LUZP2: variants seen among roughly 807,000 people sequenced by gnomAD.
LUZP2 encodes the protein leucine zipper protein 2.
In LUZP2, 52 loss-of-function variants were observed where a neutral mutation model predicts 51.6. The observed-to-expected ratio is 1.01, with a 90% CI of 0.81 to 1.27. The LOEUF is 1.27. Among genes scored for constraint, LUZP2 ranks in the 50% most tolerant of loss-of-function variants. LUZP2 has a pLI of 0.00. For synonymous variants in LUZP2, 154 were observed against 137.3 expected (o/e 1.12, Z -0.85); for missense variants, 436 against 395.4 (o/e 1.10, Z -0.87).
chr11:24,739,195 T>G (rs1273202404), intron 4 of LUZP2, among the ~76,000 whole-genome samples: 2 of 151,996 alleles, frequency 1.3e-5, no homozygotes, highest in African/African-American at 2.4e-5. Context: ...TGTTGTGGTT[T>G]CTGAGGCAAT....
At chr11:24,596,617 T>C (rs1853451940) in intron 1 of LUZP2, among the ~76,000 whole-genome samples, 1 of 152,156 alleles carries the variant, frequency 6.6e-6, no homozygotes, top group African/African-American at 2.4e-5. Context: ...GTGCCTAAAA[T>C]GACATCTAGA....
chr11:24,660,193 G>A (rs1855971566), intron 1 of LUZP2, among the ~76,000 whole-genome samples: 1 of 152,130 alleles, frequency 6.6e-6, no homozygotes, highest in Non-Finnish European at 1.5e-5. Flanking sequence ...CTGGTTTGAA[G>A]GCAATCTTGT....
chr11:24,950,275 G>C (rs994861115), intron 7 of LUZP2, among the ~76,000 whole-genome samples: 1 of 151,426 alleles, frequency 6.6e-6, no homozygotes, highest in African/African-American at 2.4e-5. Flanking sequence ...AGAGGAAAAC[G>C]AAATGTTAAC....
chr11:24,516,896 C>A (rs1422991400), intron 1 of LUZP2, among the ~76,000 whole-genome samples: 1 of 152,152 alleles, frequency 6.6e-6, no homozygotes, highest in Non-Finnish European at 1.5e-5. Flanking sequence ...TTAGTTTCAA[C>A]AGCTTAGATT....
chr11:24,733,848 T>C (rs949876027), intron 3 of LUZP2, among the ~76,000 whole-genome samples: 2 of 151,474 alleles, frequency 1.3e-5, no homozygotes, highest in African/African-American at 4.8e-5. Flanking sequence ...TAAACAAAAA[T>C]AGAAAAACAA....
intron 9 of LUZP2, among the ~76,000 whole-genome samples, chr11:25,010,422 C>T (rs537194111): frequency 3.3e-5 from 5 of 152,102 alleles, no homozygotes; most frequent in East Asian, 1.9e-4. Flanking sequence ...AGGGGATTCA[C>T]CTGTCATCCT....
At chr11:24,515,360 C>G (rs1275116751) in intron 1 of LUZP2, among the ~76,000 whole-genome samples, 1 of 119,310 alleles carries the variant, frequency 8.4e-6, no homozygotes, top group African/African-American at 3.7e-5. Flanking sequence ...CTTTTTACAA[C>G]CAGCAAGAGG....
intron 1 of LUZP2, among the ~76,000 whole-genome samples, chr11:24,724,583 AAT>A: frequency 1.3e-5 from 2 of 152,282 alleles, no homozygotes; most frequent in Middle Eastern, 6.8e-3. Context: ...AAAATCAATC[AAT>A]CAATTAATTA....
chr11:24,498,006 A>G (rs752104844), intron 1 of LUZP2, among the ~76,000 whole-genome samples: 5 of 152,322 alleles, frequency 3.3e-5, no homozygotes, highest in Admixed American at 2.0e-4. Flanking sequence ...TTTAAGCCCC[A>G]TTACAGAGGA....
chr11:24,931,246 A>C (rs2133834254), intron 7 of LUZP2, among the ~76,000 whole-genome samples: 1 of 150,340 alleles, frequency 6.7e-6, no homozygotes, highest in South Asian at 2.1e-4. Context: ...AAATAAAATA[A>C]AATAAAATAA....
intron 1 of LUZP2, among the ~76,000 whole-genome samples, chr11:24,680,003 G>A (rs962208721): frequency 1.3e-5 from 2 of 152,282 alleles, no homozygotes; most frequent in East Asian, 1.9e-4. Flanking sequence ...CAGGAGAAAA[G>A]GGAAATTAAC....
chr11:25,030,939 T>TATATATA, intron 9 of LUZP2, among the ~76,000 whole-genome samples: 1 of 20,898 alleles, frequency 4.8e-5, no homozygotes, highest in Admixed American at 8.7e-4. Context: ...TAATATATAT[T>TATATATA]ATATATATTA....
chr11:25,018,048 G>GTTTTGTTTTT (rs1554955735), intron 9 of LUZP2, among the ~76,000 whole-genome samples: 3 of 16,350 alleles, frequency 1.8e-4, no homozygotes, highest in African/African-American at 3.4e-4. Context: ...TTTTTTTTTT[G>GTTTTGTTTTT]TTTTTTTTTT....
chr11:24,717,416 T>G (rs563407726), intron 1 of LUZP2, among the ~76,000 whole-genome samples: 37 of 151,240 alleles, frequency 2.4e-4, no homozygotes, highest in African/African-American at 9.0e-4. Context: ...ATAGTTTTTT[T>G]TTTTTTTTTT....
At chr11:25,039,463 G>A (rs546158798) in intron 9 of LUZP2, among the ~76,000 whole-genome samples, 1 of 152,282 alleles carries the variant, frequency 6.6e-6, no homozygotes, top group African/African-American at 2.4e-5. Context: ...GAATCAGGCA[G>A]TGTTTTATCC....
chr11:24,715,812 T>C (rs1403955548), intron 1 of LUZP2, among the ~76,000 whole-genome samples: 1 of 152,220 alleles, frequency 6.6e-6, no homozygotes, highest in Non-Finnish European at 1.5e-5. Flanking sequence ...AATGTTTGCA[T>C]ATATTTTTTC....
At chr11:24,932,553 T>G (rs1854484463) in intron 7 of LUZP2, among the ~76,000 whole-genome samples, 1 of 152,116 alleles carries the variant, frequency 6.6e-6, no homozygotes, top group African/African-American at 2.4e-5. Context: ...CTGCCTATGC[T>G]GTCATGCAGG....
chr11:24,694,634 C>A (rs1857186740), intron 1 of LUZP2, among the ~76,000 whole-genome samples: 1 of 151,982 alleles, frequency 6.6e-6, no homozygotes, highest in African/African-American at 2.4e-5. Flanking sequence ...ATGTTTATTG[C>A]AGCACTGTTC....
rs77677423 is a variant in LUZP2 at position 24,678,088 on chromosome 11, T to C, written c.63-51081T>C. ...AGGAAAGGAGAAAGGGGGGGGGGGGTGATTACTACGTAGCTATGTGTATTA... is the reference window on the plus strand; with the variant it reads ...AGGAAAGGAGAAAGGGGGGGGGGGGCGATTACTACGTAGCTATGTGTATTA... On this transcript the variant is annotated intron_variant, in intron 1 of 11. Coordinates refer to ENST00000336930, the MANE Select transcript of LUZP2 (RefSeq NM_001009909.4). 5.0e-4 allele frequency among the ~76,000 whole-genome samples: 35 copies of C among 69,360 alleles called. 2 individuals carry two copies. The East Asian group carries it at 0.015, about 29-fold the overall frequency. 45.5% of individuals were successfully genotyped at this position (69,360 alleles called of 152,430 possible). A position where few individuals can be genotyped will look rare whatever the true frequency, so the allele number is the denominator to read the frequency against.
Sources: allele counts gnomAD v4.1 joint callset (sites outside exome capture counted in the v4.1 genomes callset), GRCh38; gene constraint gnomAD v4.1.1; transcripts MANE v1.5; gene names NCBI Gene and HGNC (gene_info 2026-07-23, HGNC 2026-07-21).